Variants in C9 observed in about 807,000 individuals in gnomAD.
C9 encodes complement C9, also known as complement component C9.
Under a neutral mutation model 65.4 loss-of-function variants are expected in C9, and 63 were observed. The ratio of observed to expected loss-of-function variants is 0.96; its 90% CI spans 0.79 to 1.19. C9 has a LOEUF of 1.19. Ranked by LOEUF, C9 falls within the 50% of genes most tolerant of loss-of-function variation. The pLI is 0.00. For missense variants in C9, 744 were observed against 670.1 expected (o/e 1.11, Z -1.22); for synonymous variants, 229 against 227.9 (o/e 1.00, Z -0.04).
At chr5:39,299,074 G>A (rs922604525) in intron 9 of C9, among the ~76,000 whole-genome samples, 1 of 151,818 alleles carries the variant, frequency 6.6e-6, no homozygotes, top group Non-Finnish European at 1.5e-5. Context: ...AAAACCTACA[G>A]CTAACATCAT....
At chr5:39,289,148 C>A (rs547522426) in intron 9 of C9, among the ~76,000 whole-genome samples, 197 bp from the exon 10 acceptor site, 11 of 151,260 alleles carry the variant, frequency 7.3e-5, no homozygotes, top group Admixed American at 6.6e-4. Context: ...GGTCATATTA[C>A]GGAGTTAAGG....
intron 9 of C9, among the ~76,000 whole-genome samples, chr5:39,296,521 A>G (rs1170996400): frequency 6.6e-6 from 1 of 151,574 alleles, no homozygotes; most frequent in East Asian, 1.9e-4. Flanking sequence ...TATAGTCACT[A>G]TGTAGAACTA....
chr5:39,353,329 G>A (rs1158213968), intron 1 of C9, among the ~76,000 whole-genome samples: 2 of 152,160 alleles, frequency 1.3e-5, no homozygotes, highest in African/African-American at 4.8e-5. Flanking sequence ...GTAGTAATTT[G>A]TTACAGCTGT....
In C9 at chr5:39,323,525, A is replaced by T. The variant is rs533062497; in HGVS notation, c.616-7496T>A. On this transcript the variant is annotated intron_variant, in intron 5 of 10. Coordinates refer to ENST00000263408, the MANE Select transcript of C9 (RefSeq NM_001737.5). ...AAAGATAGTTTAACATATGCAAATC[A>T]ATAATTGTGATACACCACATTAATG... Among the ~76,000 whole-genome samples the T allele has an allele frequency of 1.3e-4, 20 of 151,216 alleles. No individual in the cohort carries two copies. The South Asian group carries it at 1.5e-3, about 11-fold the overall frequency.
chr5:39,306,523 T>A, intron 9 of C9, 94 bp downstream of exon 9: 1 of 1,004,736 alleles, frequency 1.0e-6, no homozygotes, highest in South Asian at 1.3e-5. Context: ...TGTTCACGTC[T>A]CTTTCAGATG....
chr5:39,296,326 AAAAT>A (rs1314260984), intron 9 of C9, among the ~76,000 whole-genome samples: 1 of 151,730 alleles, frequency 6.6e-6, no homozygotes, highest in Non-Finnish European at 1.5e-5. Flanking sequence ...TAACAACAAC[AAAAT>A]AAATAATCTG....
chr5:39,309,972 G>A (rs934360617), intron 7 of C9, among the ~76,000 whole-genome samples: 4 of 151,756 alleles, frequency 2.6e-5, no homozygotes, highest in African/African-American at 7.3e-5. Context: ...CTTCCCTTAC[G>A]TGATATCTCC....
At chr5:39,287,610 T>G (rs1367510952) in intron 10 of C9, among the ~76,000 whole-genome samples, 2 of 152,088 alleles carry the variant, frequency 1.3e-5, no homozygotes, top group African/African-American at 4.8e-5. Flanking sequence ...AAAGAAAATG[T>G]GGTACATATG....
intron 4 of C9, among the ~76,000 whole-genome samples, chr5:39,334,034 C>T (rs1033914272): frequency 6.6e-6 from 1 of 152,032 alleles, no homozygotes; most frequent in African/African-American, 2.4e-5. Context: ...CGGCCGCCAC[C>T]CCGTCTGGGA....
chr5:39,315,147 G>A (rs1312232771), intron 6 of C9, among the ~76,000 whole-genome samples: 1 of 152,164 alleles, frequency 6.6e-6, no homozygotes, highest in East Asian at 1.9e-4. Flanking sequence ...TATTGTTAAT[G>A]TGGGAGAAGC....
At chr5:39,347,119 G>T (rs1276399446) in intron 1 of C9, among the ~76,000 whole-genome samples, 2 of 152,130 alleles carry the variant, frequency 1.3e-5, no homozygotes, top group Non-Finnish European at 2.9e-5. Context: ...CAAAAGACAG[G>T]GATGCCCTCT....
At chr5:39,338,679 A>G (rs1754014282) in intron 4 of C9, among the ~76,000 whole-genome samples, 1 of 152,186 alleles carries the variant, frequency 6.6e-6, no homozygotes, top group African/African-American at 2.4e-5. Flanking sequence ...TTCATTTTCC[A>G]TTTCTGCAGC....
intron 1 of C9, among the ~76,000 whole-genome samples, chr5:39,358,765 C>T (rs1390595159): frequency 1.3e-5 from 2 of 151,822 alleles, no homozygotes; most frequent in African/African-American, 4.8e-5. Flanking sequence ...GCGGGTGGAT[C>T]ATGAGGTAAG....
At chr5:39,287,584 C>G (rs1753013120) in intron 10 of C9, among the ~76,000 whole-genome samples, 1 of 151,910 alleles carries the variant, frequency 6.6e-6, no homozygotes, top group Admixed American at 6.6e-5. Flanking sequence ...TCATGTCCAT[C>G]AATGGATGAT....
chr5:39,331,417 A>G (rs1320274600), intron 5 of C9, among the ~76,000 whole-genome samples: 1 of 152,190 alleles, frequency 6.6e-6, no homozygotes, highest in Non-Finnish European at 1.5e-5. Flanking sequence ...ATTTTTAGTT[A>G]TGTTAGATCC....
intron 9 of C9, among the ~76,000 whole-genome samples, chr5:39,300,366 T>C (rs907298592): frequency 6.6e-6 from 1 of 151,970 alleles, no homozygotes; most frequent in African/African-American, 2.4e-5. Flanking sequence ...TAGACAAGAC[T>C]GCACCACTGC....
intron 5 of C9, among the ~76,000 whole-genome samples, chr5:39,326,001 C>A (rs1579860057): frequency 6.6e-6 from 1 of 152,124 alleles, no homozygotes; most frequent in African/African-American, 2.4e-5. Flanking sequence ...ATCCAACTTC[C>A]CACATCTCTT....
At chr5:39,336,547 A>C (rs1446617639) in intron 4 of C9, among the ~76,000 whole-genome samples, 1 of 152,104 alleles carries the variant, frequency 6.6e-6, no homozygotes, top group African/African-American at 2.4e-5. Flanking sequence ...TGTAAGTAAA[A>C]TTTTATTGGA....
chr5:39,334,839 G>C (rs191935590), intron 4 of C9, among the ~76,000 whole-genome samples: 1 of 152,138 alleles, frequency 6.6e-6, no homozygotes, highest in African/African-American at 2.4e-5. Context: ...CATTGAGAAC[G>C]GGCCATGATG....
Sources: allele counts gnomAD v4.1 joint callset (sites outside exome capture counted in the v4.1 genomes callset), GRCh38; gene constraint gnomAD v4.1.1; transcripts MANE v1.5; gene names NCBI Gene and HGNC (gene_info 2026-07-23, HGNC 2026-07-21).